IQCM: variants seen among roughly 807,000 people sequenced by gnomAD.
IQCM encodes the protein IQ motif containing M.
In IQCM, 45 loss-of-function variants were observed where a neutral mutation model predicts 57.6. The observed-to-expected ratio is 0.78, with a 90% CI of 0.62 to 1.00. The LOEUF is 1.00. IQCM is among the 50% of genes least tolerant of loss of function. The pLI, the probability that IQCM is intolerant of heterozygous loss-of-function variation, is 0.00. For synonymous variants in IQCM, 148 were observed against 158.9 expected, an observed-to-expected ratio of 0.93 and a Z score of 0.51; for missense variants, 468 against 511.6, an observed-to-expected ratio of 0.91 and a Z score of 0.82.
chr4:149,802,344 T>C (rs1040291143), intron 2 of IQCM, among the ~76,000 whole-genome samples: 30 of 151,888 alleles, frequency 2.0e-4, no homozygotes, highest in African/African-American at 5.8e-4. Context: ...TCGAGCTAAA[T>C]ATTACCTCTC....
intron 12 of IQCM, among the ~76,000 whole-genome samples, chr4:149,513,287 T>G (rs1245768619): frequency 6.6e-6 from 1 of 152,200 alleles, no homozygotes; most frequent in African/African-American, 2.4e-5. Flanking sequence ...GTTAGTGTAC[T>G]CATCCTATTT....
intron 9 of IQCM, among the ~76,000 whole-genome samples, chr4:149,575,401 A>G (rs893560745): frequency 1.3e-5 from 2 of 151,888 alleles, no homozygotes; most frequent in Admixed American, 6.6e-5. Context: ...ACTTCACGCT[A>G]GTAAAACCTG....
chr4:149,519,930 G>T (rs1579344483), intron 12 of IQCM, among the ~76,000 whole-genome samples: 1 of 152,082 alleles, frequency 6.6e-6, no homozygotes, highest in South Asian at 2.1e-4. Flanking sequence ...GCATGAACCT[G>T]GGAGGCAGAG....
chr4:149,517,737 G>A (rs1467040239), intron 12 of IQCM, among the ~76,000 whole-genome samples: 1 of 152,138 alleles, frequency 6.6e-6, no homozygotes, highest in Non-Finnish European at 1.5e-5. Context: ...AGTGTGCCCA[G>A]AATATAGAGC....
chr4:149,709,062 T>C (rs572399556), intron 5 of IQCM, among the ~76,000 whole-genome samples: 8 of 152,206 alleles, frequency 5.3e-5, no homozygotes, highest in African/African-American at 1.7e-4. Context: ...GTATATCTGA[T>C]GACAAAAACA....
chr4:149,580,729 A>C (rs1295748588), intron 9 of IQCM, among the ~76,000 whole-genome samples: 1 of 151,764 alleles, frequency 6.6e-6, no homozygotes, highest in Non-Finnish European at 1.5e-5. Context: ...TAATTATTTC[A>C]ATTTTGAAAA....
chr4:149,605,340 T>G (rs1220936162), intron 8 of IQCM, among the ~76,000 whole-genome samples: 1 of 152,186 alleles, frequency 6.6e-6, no homozygotes, highest in East Asian at 1.9e-4. Flanking sequence ...TACCTATACC[T>G]CCACATTTGA....
chr4:149,493,738 G>C (rs1170000548), intron 12 of IQCM, among the ~76,000 whole-genome samples: 1 of 151,916 alleles, frequency 6.6e-6, no homozygotes. Flanking sequence ...TATGGACCTT[G>C]AACCATTCTG....
intron 7 of IQCM, among the ~76,000 whole-genome samples, chr4:149,643,238 T>C (rs1187275822): frequency 6.6e-6 from 1 of 152,200 alleles, no homozygotes; most frequent in Non-Finnish European, 1.5e-5. Context: ...TAGATGCAGA[T>C]AAACACTGAA....
At chr4:149,488,008 AG>A (rs1267889421) in intron 12 of IQCM, among the ~76,000 whole-genome samples, 2 of 152,094 alleles carry the variant, frequency 1.3e-5, no homozygotes, top group African/African-American at 4.8e-5. Context: ...TGAATGGTGT[AG>A]GCTTCTATTC....
chr4:149,388,601 C>CACAT (rs1731612147), intron 13 of IQCM, among the ~76,000 whole-genome samples: 1 of 137,546 alleles, frequency 7.3e-6, no homozygotes, highest in Non-Finnish European at 1.5e-5. Context: ...CATATATACA[C>CACAT]ATATATAGGC....
chr4:149,601,317 A>C (rs978045257), intron 8 of IQCM, among the ~76,000 whole-genome samples: 1 of 152,162 alleles, frequency 6.6e-6, no homozygotes. Flanking sequence ...ATTCCTCAAG[A>C]TACCTTCAAA....
chr4:149,449,220 T>A lies in IQCM; in HGVS notation c.1229-15663A>T, dbSNP rs1579092914. 5.2e-5 allele frequency among the ~76,000 whole-genome samples: 6 copies of A among 115,516 alleles called. No homozygotes were observed. In the South Asian group the frequency reaches 1.9e-3, roughly 36 times the overall value. 75.8% of individuals were successfully genotyped at this position (115,516 alleles called of 152,430 possible). ...CACAAGGACACCAATTTAACAAGTA[T>A]CTATCAAAACAAACAAACAAACAAC... On this transcript the variant is annotated intron_variant, in intron 12 of 13. Coordinates refer to ENST00000636793, the MANE Select transcript of IQCM (RefSeq NM_001363507.2).
At chr4:149,809,160 G>A (rs1007391517) in intron 2 of IQCM, among the ~76,000 whole-genome samples, 1 of 152,006 alleles carries the variant, frequency 6.6e-6, no homozygotes, top group African/African-American at 2.4e-5. Context: ...CTACCCGGGA[G>A]GCTGAGGCAG....
intron 12 of IQCM, among the ~76,000 whole-genome samples, chr4:149,511,451 C>G (rs1027913219): frequency 6.6e-6 from 1 of 151,806 alleles, no homozygotes; most frequent in Non-Finnish European, 1.5e-5. Context: ...TCACTTGAAC[C>G]CGGGAGGCAG....
intron 12 of IQCM, among the ~76,000 whole-genome samples, chr4:149,455,576 G>A (rs180681094): frequency 1.3e-5 from 2 of 152,186 alleles, no homozygotes; most frequent in African/African-American, 4.8e-5. Context: ...TGAGCAAACT[G>A]AGCACCTACT....
intron 7 of IQCM, among the ~76,000 whole-genome samples, chr4:149,626,405 AAG>A (rs1406380490): frequency 8.4e-5 from 10 of 119,486 alleles, no homozygotes; most frequent in African/African-American, 1.5e-4. Flanking sequence ...ATATATATAT[AAG>A]TTTATAGCAA....
intron 13 of IQCM, among the ~76,000 whole-genome samples, chr4:149,362,223 G>C (rs908309580): frequency 3.3e-5 from 5 of 152,124 alleles, no homozygotes; most frequent in African/African-American, 1.2e-4. Flanking sequence ...CTAAGCAGAA[G>C]GGACTTGCCT....
chr4:149,717,439 G>A (rs559630218), intron 5 of IQCM, among the ~76,000 whole-genome samples: 1 of 152,272 alleles, frequency 6.6e-6, no homozygotes, highest in South Asian at 2.1e-4. Flanking sequence ...GAGGATAGAA[G>A]AAACACACTT....
Sources: gnomAD v4.1 joint callset for allele counts (sites outside exome capture counted in the v4.1 genomes callset) on GRCh38, gnomAD v4.1.1 for gene constraint, MANE v1.5 for transcripts, NCBI Gene and HGNC (gene_info 2026-07-23, HGNC 2026-07-21) for gene names.